Variants in MICAL3 observed in about 807,000 individuals in gnomAD.
MICAL3 encodes the protein [F-actin]-monooxygenase MICAL3.
A neutral mutation model predicts 207.4 loss-of-function variants in MICAL3; 62 were observed. That is an observed-to-expected ratio of 0.30 (90% CI 0.24 to 0.37). The LOEUF (loss-of-function observed/expected upper bound fraction) is 0.37, where lower values mean the gene tolerates loss of function less well. Among genes scored for constraint, MICAL3 ranks in the 10% least tolerant of loss-of-function variants. The pLI is 1.00. For missense variants in MICAL3, 2,368 were observed against 2,635.6 expected, an observed-to-expected ratio of 0.90 and a Z score of 2.22; for synonymous variants, 1,077 against 1,069.3, an observed-to-expected ratio of 1.01 and a Z score of -0.14.
At chr22:17,934,689 G>C (rs1933432697) in intron 1 of MICAL3, among the ~76,000 whole-genome samples, 1 of 152,204 alleles carries the variant, frequency 6.6e-6, no homozygotes, top group South Asian at 2.1e-4. Flanking sequence ...CAGATGACAT[G>C]ATTGTATATT....
chr22:17,874,835 C>T (rs149943494), intron 16 of MICAL3, among the ~76,000 whole-genome samples: 18 of 152,158 alleles, frequency 1.2e-4, no homozygotes, highest in African/African-American at 3.9e-4. Context: ...ACCAGTGCTA[C>T]TTCAGATCCC....
At chr22:17,805,963 C>G (rs1254679773) in intron 29 of MICAL3, among the ~76,000 whole-genome samples, 1 of 152,234 alleles carries the variant, frequency 6.6e-6, no homozygotes, top group Non-Finnish European at 1.5e-5. Context: ...CTCCCGGCCT[C>G]AGGTGATCCG....
At chr22:17,872,723 A>G (rs1602105564) in intron 16 of MICAL3, 4 of 1,417,282 alleles carry the variant, frequency 2.8e-6, no homozygotes, top group Non-Finnish European at 4.0e-6. Context: ...GTCTAGCTAC[A>G]CAGTGCCTGG....
chr22:17,966,337 C>T (rs946419948), intron 1 of MICAL3, among the ~76,000 whole-genome samples: 7 of 152,194 alleles, frequency 4.6e-5, no homozygotes, highest in African/African-American at 1.7e-4. Flanking sequence ...CGCTCCTCCT[C>T]CCCTCTCCAG....
At chr22:17,989,811 AT>A (rs1921460309) in intron 1 of MICAL3, among the ~76,000 whole-genome samples, 1 of 152,254 alleles carries the variant, frequency 6.6e-6, no homozygotes, top group South Asian at 2.1e-4. Flanking sequence ...GACAACGCAT[AT>A]AAAGCTTCTG....
At position 17,990,135 on chromosome 22, in the gene MICAL3, G is replaced by A. The variant is rs557005468; in HGVS notation, c.-75+34146C>T. Among the ~76,000 whole-genome samples, 9 of 152,324 alleles carry A rather than the reference G, an allele frequency of 5.9e-5. No individual in the cohort carries two copies. The East Asian group carries it at 1.5e-3, about 26-fold the overall frequency. On this transcript the variant is annotated intron_variant, in intron 1 of 31. Transcript: ENST00000441493. ...ATAAAAAAAAAATGCAAAGCCCCAG[G>A]GGATCAGGAGTGAGCTAGAGAGCAG...
rs148082619 is a variant in MICAL3, at chr22:17,835,214, C to A, written c.2802-3107G>T. On this transcript the variant is annotated intron_variant, in intron 20 of 31. Transcript: ENST00000441493. The stretch of plus-strand genomic sequence containing the variant: ...AGAAGACAGCAGAAAGCAACCCTCA[C>A]CTCCGTGCATCAGCTGGTTTCACAA... Among the ~76,000 whole-genome samples the A allele has an allele frequency of 3.3e-5, 5 of 151,274 alleles. No individual in the cohort carries two copies. The East Asian group carries it at 9.6e-4, about 29-fold the overall frequency.
At chr22:17,881,167 G>C (rs973150844) in intron 16 of MICAL3, 1 of 1,535,550 alleles carries the variant, frequency 6.5e-7, no homozygotes, top group Non-Finnish European at 9.0e-7. Context: ...CAGGCAGGCA[G>C]ACAGAGACAG....
At chr22:17,825,709 C>T (rs894677047) in intron 22 of MICAL3, among the ~76,000 whole-genome samples, 1 of 152,112 alleles carries the variant, frequency 6.6e-6, no homozygotes, top group South Asian at 2.1e-4. Context: ...TCTGACAACT[C>T]GTGGAGGGAT....
chr22:17,861,662 G>T, intron 19 of MICAL3: 1 of 985,452 alleles, frequency 1.0e-6, no homozygotes, highest in South Asian at 4.7e-5. Context: ...ATGGTGGACA[G>T]TACAAGGCCA....
At chr22:17,894,177 C>G (rs563424380) in intron 10 of MICAL3, among the ~76,000 whole-genome samples, 1 of 151,868 alleles carries the variant, frequency 6.6e-6, no homozygotes, top group Non-Finnish European at 1.5e-5. Flanking sequence ...TTGGGGAGGC[C>G]GAGGCCAGCA....
Position 18,024,346 on chromosome 22 carries a change from G to C in MICAL3, c.-140C>G, listed in dbSNP as rs926245202. On this transcript the variant is annotated 5_prime_UTR_variant, in exon 1 of 32. Transcript: ENST00000441493. ...GCCTGCCTCGGCAGGGGCAGGGTGG[G>C]TGCCCGCAGGGCACAGGTGCCGCCG... 2 of 152,310 alleles carry C rather than the reference G, an allele frequency of 1.3e-5. No homozygotes were observed. Among genetic ancestry groups the C allele is most frequent in the African/African-American group, 4.8e-5 (2 of 41,472 alleles). 9.4% of individuals were successfully genotyped at this position (152,310 alleles called of 1,614,324 possible). A position where few individuals can be genotyped will look rare whatever the true frequency, so the allele number is the denominator to read the frequency against.
chr22:17,822,201 A>G, intron 23 of MICAL3, 31 bp from the exon 24 acceptor site: 1 of 1,607,506 alleles, frequency 6.2e-7, no homozygotes, highest in Non-Finnish European at 8.5e-7. Context: ...AAGTGGGTGC[A>G]CACCCTAAGT....
chr22:18,008,813 C>T (rs1039580324), intron 1 of MICAL3, among the ~76,000 whole-genome samples: 2 of 151,698 alleles, frequency 1.3e-5, no homozygotes, highest in Non-Finnish European at 2.9e-5. Flanking sequence ...GTGGCTCCAC[C>T]CGTAGTCCCG....
chr22:17,997,908 T>C (rs1238818665), intron 1 of MICAL3, among the ~76,000 whole-genome samples: 2 of 150,164 alleles, frequency 1.3e-5, no homozygotes, highest in Non-Finnish European at 2.9e-5. Flanking sequence ...TGATCTGGTA[T>C]CTTTAAGTCC....
rs371273113 is a variant in MICAL3, at chr22:17,864,946, G to C, written c.2558C>G (p.Ala853Gly). 7 of 1,613,066 alleles carry C rather than the reference G, an allele frequency of 4.3e-6. No homozygotes were observed. Among genetic ancestry groups the C allele is most frequent in the Non-Finnish European group, 5.9e-6 (7 of 1,179,310 alleles). ...GGCCACGGCGTTGGCCCGTCCGTTT[G>C]CATCTGTGGTGGCGCCATCCTGCAG... The part of the protein sequence containing the change: ...GPLQDGATTD[A>G]NGRANAVASS... The change falls in exon 19 of 32, where the codon GCA (alanine) becomes GGA (glycine). Residue 853 changes from alanine to glycine, a missense_variant. By Grantham distance (60) the Ala-to-Gly change is moderately conservative (BLOSUM62 0). Around this residue, in one of 4 missense-constraint regions of MICAL3, gnomAD observed 1,770 missense variants for 1,863.2 expected, o/e 0.95. Coordinates refer to ENST00000441493, the MANE Select transcript of MICAL3 (RefSeq NM_015241.3).
intron 1 of MICAL3, among the ~76,000 whole-genome samples, chr22:17,946,171 T>C (rs1768135379): frequency 6.6e-6 from 1 of 152,186 alleles, no homozygotes; most frequent in African/African-American, 2.4e-5. Flanking sequence ...AGAGACAGGA[T>C]GCTCTTGACA....
chr22:17,936,544 T>G (rs1038134780), intron 1 of MICAL3, among the ~76,000 whole-genome samples: 3 of 150,514 alleles, frequency 2.0e-5, no homozygotes, highest in African/African-American at 7.4e-5. Flanking sequence ...CTGCATGTTG[T>G]GCACATGTAC....
At chr22:17,824,202 G>C (rs1053169300) in intron 22 of MICAL3, among the ~76,000 whole-genome samples, 1 of 152,158 alleles carries the variant, frequency 6.6e-6, no homozygotes, top group Non-Finnish European at 1.5e-5. Flanking sequence ...ACCACTGGCC[G>C]GGGGCCTGCG....
Sources: allele counts gnomAD v4.1 joint callset (sites outside exome capture counted in the v4.1 genomes callset), GRCh38; gene constraint gnomAD v4.1.1; regional missense constraint gnomAD v4.1.1; transcripts MANE v1.5; gene names NCBI Gene and HGNC (gene_info 2026-07-23, HGNC 2026-07-21).